The following PACRG variants were observed in gnomAD, a reference collection of about 807,000 sequenced individuals.
The protein encoded by PACRG is parkin coregulated gene protein.
A neutral mutation model predicts 29.7 loss-of-function variants in PACRG; 29 were observed. The ratio of observed to expected loss-of-function variants is 0.98; its 90% CI spans 0.73 to 1.33. PACRG has a LOEUF of 1.33. Ranked by LOEUF, PACRG falls within the 40% of genes most tolerant of loss-of-function variation. PACRG has a pLI of 0.00. For synonymous variants in PACRG, 116 were observed against 118.7 expected (o/e 0.98, Z 0.15); for missense variants, 279 against 316.2 (o/e 0.88, Z 0.89).
At chr6:163,198,036 T>C (rs372186612) in intron 4 of PACRG, among the ~76,000 whole-genome samples, 11 of 152,358 alleles carry the variant, frequency 7.2e-5, no homozygotes, top group African/African-American at 2.6e-4. Context: ...TGTTTATCTG[T>C]GAGCCCCAGG....
chr6:163,132,506 G>T (rs920805591), intron 4 of PACRG, among the ~76,000 whole-genome samples: 1 of 152,122 alleles, frequency 6.6e-6, no homozygotes, highest in Admixed American at 6.5e-5. Flanking sequence ...TTTCCTCTAA[G>T]AATCTTTGAG....
chr6:163,067,853 T>C (rs1157779768), intron 3 of PACRG, among the ~76,000 whole-genome samples: 2 of 152,244 alleles, frequency 1.3e-5, no homozygotes, highest in Non-Finnish European at 2.9e-5. Context: ...ATGATTACTT[T>C]TCTAATACAA....
At chr6:163,195,227 G>T (rs1206406501) in intron 4 of PACRG, among the ~76,000 whole-genome samples, 1 of 152,202 alleles carries the variant, frequency 6.6e-6, no homozygotes, top group Non-Finnish European at 1.5e-5. Context: ...GCATTTGATT[G>T]TTCTCACATT....
chr6:162,779,156 T>C (rs2128311641), intron 1 of PACRG, among the ~76,000 whole-genome samples: 1 of 152,298 alleles, frequency 6.6e-6, no homozygotes, highest in African/African-American at 2.4e-5. Context: ...CCTGCGTTAG[T>C]TTGTTAAGGA....
intron 4 of PACRG, among the ~76,000 whole-genome samples, chr6:163,300,420 G>A (rs897044101): frequency 6.6e-5 from 10 of 151,356 alleles, no homozygotes; most frequent in Non-Finnish European, 1.5e-4. Flanking sequence ...AGAAGGTGGC[G>A]GTAGATGCGG....
At chr6:162,813,696 T>A (rs1268813226) in intron 1 of PACRG, among the ~76,000 whole-genome samples, 1 of 152,136 alleles carries the variant, frequency 6.6e-6, no homozygotes, top group Non-Finnish European at 1.5e-5. Context: ...TGAGAACATA[T>A]TCCACTATTT....
At chr6:163,054,747 T>A (rs1217475697) in intron 2 of PACRG, among the ~76,000 whole-genome samples, 1 of 152,130 alleles carries the variant, frequency 6.6e-6, no homozygotes, top group African/African-American at 2.4e-5. Flanking sequence ...ATTTTGGGGC[T>A]TCCCACCAGC....
intron 2 of PACRG, among the ~76,000 whole-genome samples, chr6:163,043,890 A>G (rs1252534976): frequency 6.6e-6 from 1 of 152,146 alleles, no homozygotes; most frequent in Non-Finnish European, 1.5e-5. Context: ...GATGTGCCCA[A>G]AGATTTCAGA....
intron 1 of PACRG, among the ~76,000 whole-genome samples, chr6:162,787,714 A>G (rs914682208): frequency 6.7e-6 from 1 of 150,316 alleles, no homozygotes; most frequent in African/African-American, 2.4e-5. Flanking sequence ...AATGGTATCC[A>G]TGTTATTAGG....
intron 4 of PACRG, among the ~76,000 whole-genome samples, chr6:163,276,657 T>C (rs1000027038): frequency 6.6e-6 from 1 of 152,136 alleles, no homozygotes; most frequent in Non-Finnish European, 1.5e-5. Flanking sequence ...AGTGAGGCCT[T>C]TGGGGGGTGA....
chr6:162,860,888 TAG>T lies in PACRG; in HGVS notation c.291+46608_291+46609del, dbSNP rs1791801536. Among the ~76,000 whole-genome samples, 6 of 152,172 alleles carry T rather than the reference TAG, an allele frequency of 3.9e-5. No homozygotes were observed. The South Asian group carries it at 1.2e-3, about 32-fold the overall frequency. On this transcript the variant is annotated intron_variant, in intron 2 of 4. Coordinates refer to ENST00000366888, the MANE Select transcript of PACRG (RefSeq NM_001080379.2). ...AGATGGTTTAAAAACCTGATGAATT[TAG>T]GTAGTTGCTTGAGAGAATGAGTAAA...
intron 2 of PACRG, among the ~76,000 whole-genome samples, chr6:163,002,211 A>G (rs1804655501): frequency 6.6e-6 from 1 of 152,230 alleles, no homozygotes. Flanking sequence ...TCTAGTTGAC[A>G]GCAAAGTAAT....
At chr6:163,060,640 A>AT (rs1214364542) in intron 2 of PACRG, among the ~76,000 whole-genome samples, 1 of 152,144 alleles carries the variant, frequency 6.6e-6, no homozygotes, top group African/African-American at 2.4e-5. Flanking sequence ...CTCCCTCTAC[A>AT]TCCCCAGCTT....
At chr6:163,133,268 A>T (rs892769127) in intron 4 of PACRG, among the ~76,000 whole-genome samples, 1 of 152,184 alleles carries the variant, frequency 6.6e-6, no homozygotes, top group Admixed American at 6.5e-5. Flanking sequence ...CAGTCACATG[A>T]CCACACCTCA....
intron 4 of PACRG, among the ~76,000 whole-genome samples, chr6:163,289,463 T>C (rs1585403010): frequency 6.6e-6 from 1 of 152,336 alleles, no homozygotes; most frequent in African/African-American, 2.4e-5. Context: ...TTCATTGACC[T>C]CCTCAATATT....
chr6:162,875,635 G>A lies in PACRG; in HGVS notation c.291+61354G>A, dbSNP rs543540030. On this transcript the variant is annotated intron_variant, in intron 2 of 4. Coordinates refer to ENST00000366888, the MANE Select transcript of PACRG (RefSeq NM_001080379.2). ...CACATAGGTTGTACATTAACCACTT[G>A]TCCTTTTCCTCTAAGTAACATACAG... 3.3e-5 allele frequency among the ~76,000 whole-genome samples: 5 copies of A among 152,294 alleles called. No individual in the cohort carries two copies. In the South Asian group the frequency reaches 1.0e-3, roughly 32 times the overall value.
At chr6:163,311,606 A>G (rs375834903) in intron 4 of PACRG, among the ~76,000 whole-genome samples, 1 of 152,200 alleles carries the variant, frequency 6.6e-6, no homozygotes, top group East Asian at 1.9e-4. Flanking sequence ...GTGCAGGGTC[A>G]TTGTTTCAGC....
At chr6:163,230,732 T>G (rs1585352890) in intron 4 of PACRG, among the ~76,000 whole-genome samples, 2 of 133,350 alleles carry the variant, frequency 1.5e-5, no homozygotes, top group Non-Finnish European at 1.7e-5. Context: ...AATAAACAAA[T>G]GAAGAACGCA....
intron 3 of PACRG, among the ~76,000 whole-genome samples, chr6:163,076,938 A>G (rs1420817008): frequency 6.6e-6 from 1 of 152,148 alleles, no homozygotes; most frequent in Non-Finnish European, 1.5e-5. Context: ...ATACATCCCC[A>G]CAGCATCTAA....
Sources: allele counts gnomAD v4.1 joint callset (sites outside exome capture counted in the v4.1 genomes callset), GRCh38; gene constraint gnomAD v4.1.1; transcripts MANE v1.5; gene names NCBI Gene and HGNC (gene_info 2026-07-23, HGNC 2026-07-21).